Variants in SNED1 observed in about 807,000 individuals in gnomAD.
SNED1 encodes the protein sushi, nidogen and EGF like domains 1.
A neutral mutation model predicts 166.7 loss-of-function variants in SNED1; 81 were observed. The observed-to-expected ratio is 0.49, with a 90% confidence interval of 0.41 to 0.58. SNED1 has a LOEUF of 0.58. Among genes scored for constraint, SNED1 ranks in the 20% least tolerant of loss-of-function variants. SNED1 has a pLI of 0.00. For missense variants in SNED1, 1,604 were observed against 2,000.2 expected (o/e 0.80, Z 3.78); for synonymous variants, 762 against 822.0 (o/e 0.93, Z 1.25).
At chr2:241,028,924 G>A (rs372621868) in intron 1 of SNED1, among the ~76,000 whole-genome samples, 7 of 152,006 alleles carry the variant, frequency 4.6e-5, no homozygotes, top group Non-Finnish European at 8.8e-5. Context: ...CCTGGACTGC[G>A]TATTTGTAAA....
In SNED1 at chr2:240,999,243, GGGCGGGGGCGGCAGCCGCCGGGCACCGA is replaced by G. The variant is rs2060003326; in HGVS notation, c.213+204_213+231del. Among the ~76,000 whole-genome samples, 6 of 149,984 alleles carry G rather than the reference GGGCGGGGGCGGCAGCCGCCGGGCACCGA, an allele frequency of 4.0e-5. No individual in the cohort carries two copies. In the South Asian group the frequency reaches 1.0e-3, roughly 26 times the overall value. The stretch of plus-strand genomic sequence containing the variant: ...GGCCCGCGGGAGAGGCGCGCGGGCG[GGGCGGGGGCGGCAGCCGCCGGGCACCGA>G]GGCGGGGGCGAGTGGAGCGCGGCGC... On this transcript the variant is annotated intron_variant, in intron 1 of 31. Transcript: ENST00000310397. The surrounding 1 kb of genome is among the most constrained non-coding windows in gnomAD (Gnocchi z 5.8).
chr2:241,048,551 C>A, intron 9 of SNED1, 111 bp downstream of exon 9: 1 of 1,489,198 alleles, frequency 6.7e-7, no homozygotes, highest in South Asian at 1.3e-5. Flanking sequence ...TGTGAGTGCG[C>A]GTCCACTGCA....
At chr2:241,058,053 C>G (rs1349194772) in intron 16 of SNED1, among the ~76,000 whole-genome samples, 1 of 152,052 alleles carries the variant, frequency 6.6e-6, no homozygotes, top group Non-Finnish European at 1.5e-5. Context: ...AGCTAGCACT[C>G]TTAGACATTC....
chr2:241,042,494 G>C (rs2061546515), intron 8 of SNED1, among the ~76,000 whole-genome samples: 1 of 152,102 alleles, frequency 6.6e-6, no homozygotes, highest in Non-Finnish European at 1.5e-5. Flanking sequence ...AAAATACCCA[G>C]TCAAAAATTA....
At chr2:241,033,596 C>T (rs891692614) in intron 2 of SNED1, 139 bp from the exon 3 acceptor site, 2 of 992,256 alleles carry the variant, frequency 2.0e-6, no homozygotes, top group Admixed American at 6.1e-5. Context: ...CCTCGGCTGC[C>T]CGTCCAGCTG....
At position 241,036,864 on chromosome 2, in the gene SNED1, T is replaced by C. The variant is rs1326380224; in HGVS notation, c.880T>C (p.Ser294Pro). ...CIDDCVTGNP[S>P]YTCSCLSGFT... ...CGACGACTGCGTCACGGGCAACCCC[T>C]CCTACACCTGCTCCTGCCTCTCGGG... The change falls in exon 5 of 32, where the codon TCC (serine) becomes CCC (proline). Residue 294 changes from serine to proline, a missense_variant. Ser to Pro is a moderately conservative substitution (Grantham distance 74). Around this residue, in one of 2 missense-constraint regions of SNED1, gnomAD observed 1,237 missense variants for 1,620.8 expected, o/e 0.76. Coordinates refer to ENST00000310397, the MANE Select transcript of SNED1 (RefSeq NM_001080437.3). The C allele has an allele frequency of 4.3e-6, 7 of 1,611,656 alleles. No individual in the cohort carries two copies. The highest frequency in any genetic ancestry group is 8.5e-7 in the Non-Finnish European group (1 of 1,179,598).
chr2:241,070,088 A>T lies in SNED1; in HGVS notation c.3476A>T (p.Tyr1159Phe). 1.2e-6 allele frequency: 2 copies of T among 1,613,080 alleles called. No homozygotes were observed. Among genetic ancestry groups the T allele is most frequent in the Non-Finnish European group, 1.7e-6 (2 of 1,179,892 alleles). ...RYVPNGKLAS[Y>F]TVRDLLPGRR... is the part of the protein sequence containing the mutation. ...GTCCCCAACGGGAAGCTGGCGTCCT[A>T]CACGGTGCGCGACCTGCTGCCGGGA... The change falls in exon 24 of 32, where the codon TAC (tyrosine) becomes TTC (phenylalanine). Residue 1159 changes from tyrosine (Y) to phenylalanine (F), a missense_variant. Tyr to Phe is a conservative substitution (Grantham distance 22). Coordinates refer to ENST00000310397, the MANE Select transcript of SNED1 (RefSeq NM_001080437.3).
At chr2:241,089,249 T>C in intron 31 of SNED1, 2 of 1,514,102 alleles carry the variant, frequency 1.3e-6, no homozygotes, top group Non-Finnish European at 1.8e-6. Flanking sequence ...CTAGGACAGC[T>C]TTGCTCTTCC....
intron 4 of SNED1, among the ~76,000 whole-genome samples, chr2:241,035,994 C>G (rs867411423): frequency 1.2e-5 from 1 of 84,092 alleles, no homozygotes; most frequent in African/African-American, 6.2e-5. Context: ...GGCGGAGGCG[C>G]GTCACGGGGA....
intron 8 of SNED1, among the ~76,000 whole-genome samples, chr2:241,041,898 C>T (rs1464461343): frequency 6.6e-6 from 1 of 152,180 alleles, no homozygotes; most frequent in East Asian, 1.9e-4. Flanking sequence ...TCCCTCTCAC[C>T]ATCAACACCT....
Position 241,053,152 on chromosome 2 carries a change from G to A in SNED1, c.2084-1G>A. On this transcript the variant is annotated splice_acceptor_variant, in intron 15 of 31. Transcript: ENST00000310397. LOFTEE classifies it high-confidence loss of function. Reference sequence around the variant, plus strand: ...GCGAGACAGGCTGCCGTGCCTTGCAGAGGTGGACTGCGGCCCCCCGGAGGA... The same window carrying A: ...GCGAGACAGGCTGCCGTGCCTTGCAAAGGTGGACTGCGGCCCCCCGGAGGA... 6.2e-7 allele frequency: 1 copy of A among 1,609,144 alleles called. No homozygotes were observed. The highest frequency in any genetic ancestry group is 1.1e-5 in the South Asian group (1 of 90,750).
rs1268239811 is a variant in SNED1, at chr2:241,091,591, GAATGCC to G, written c.*2-46_*2-41del. 4 of 152,212 alleles carry G rather than the reference GAATGCC, an allele frequency of 2.6e-5. No individual in the cohort carries two copies. The highest frequency in any genetic ancestry group is 6.5e-5 in the Admixed American group (1 of 15,278). 9.4% of individuals were successfully genotyped at this position (152,212 alleles called of 1,614,324 possible). ...AAGCAGCCCATTTAAAGAGGAGTGGGAATGCCTGTCATTCTCCTCATGCTTCACTTT... is the reference window on the plus strand; with the variant it reads ...AAGCAGCCCATTTAAAGAGGAGTGGGTGTCATTCTCCTCATGCTTCACTTT... On this transcript the variant is annotated intron_variant, in intron 31 of 31. Transcript: ENST00000310397. The surrounding 1 kb of genome is among the most constrained non-coding windows in gnomAD (Gnocchi z 4.1).
intron 8 of SNED1, among the ~76,000 whole-genome samples, chr2:241,043,980 G>A (rs1410372716): frequency 6.6e-6 from 1 of 152,200 alleles, no homozygotes; most frequent in Non-Finnish European, 1.5e-5. Flanking sequence ...ATTACATAAA[G>A]TGGTATATAC....
intron 16 of SNED1, among the ~76,000 whole-genome samples, chr2:241,059,467 G>A (rs2062165062): frequency 6.6e-6 from 1 of 152,126 alleles, no homozygotes; most frequent in Non-Finnish European, 1.5e-5. Context: ...ACCAAAACCA[G>A]ACACAGACAC....
chr2:241,062,574 A>G (rs10178146), intron 16 of SNED1, among the ~76,000 whole-genome samples: 90,901 of 151,988 alleles, frequency 0.6, 27,926 homozygotes, highest in East Asian at 0.79. Flanking sequence ...GGGTGGTTTC[A>G]AGCCCGCCCT....
chr2:241,067,515 T>TCA (rs373750150), intron 21 of SNED1, among the ~76,000 whole-genome samples: 5 of 152,188 alleles, frequency 3.3e-5, no homozygotes, highest in African/African-American at 9.6e-5. Flanking sequence ...CTGCCTCTGG[T>TCA]AAGACGGGCT....
chr2:241,053,891 T>C (rs1212743949), intron 16 of SNED1, among the ~76,000 whole-genome samples: 4 of 152,238 alleles, frequency 2.6e-5, no homozygotes, highest in Non-Finnish European at 5.9e-5. Context: ...TGCATCGCAT[T>C]ATGCCAGAGG....
chr2:241,043,086 G>A (rs1056601157), intron 8 of SNED1, among the ~76,000 whole-genome samples: 8 of 152,232 alleles, frequency 5.3e-5, no homozygotes, highest in Admixed American at 6.5e-5. Flanking sequence ...GAAGGAGGAT[G>A]GAGATGGGTG....
In SNED1 at chr2:240,999,570, C is replaced by T. The variant is rs944494368; in HGVS notation, c.213+520C>T. Among the ~76,000 whole-genome samples the T allele has an allele frequency of 7.2e-5, 11 of 152,316 alleles. No homozygotes were observed. Among genetic ancestry groups the T allele is most frequent in the Non-Finnish European group, 1.3e-4 (9 of 68,006 alleles). On this transcript the variant is annotated intron_variant, in intron 1 of 31. Transcript: ENST00000310397. The surrounding 1 kb of genome is among the most constrained non-coding windows in gnomAD (Gnocchi z 5.8). ...GCGCTCAGGGCAGGGCCTGCTTCTT[C>T]GCTGACCCTCCTAGGCGGGCTAGCA...
Sources: gnomAD v4.1 joint callset for allele counts (sites outside exome capture counted in the v4.1 genomes callset) on GRCh38, gnomAD v4.1.1 for gene constraint, gnomAD v4.1.1 regional missense constraint, Gnocchi (gnomAD v3.1) non-coding constraint, MANE v1.5 for transcripts, NCBI Gene and HGNC (gene_info 2026-07-23, HGNC 2026-07-21) for gene names.